COL21A1: variants seen among roughly 807,000 people sequenced by gnomAD.
COL21A1 encodes the protein collagen alpha-1(XXI) chain.
In COL21A1, 149 loss-of-function variants were observed where a neutral mutation model predicts 137.9. The observed-to-expected ratio is 1.08, with a 90% CI of 0.95 to 1.24. The LOEUF is 1.24. Ranked by LOEUF, COL21A1 falls within the 50% of genes most tolerant of loss-of-function variation. The pLI, the probability that COL21A1 is intolerant of heterozygous loss-of-function variation, is 0.00. For synonymous variants in COL21A1, 456 were observed against 391.5 expected (o/e 1.16, Z -1.95); for missense variants, 1,167 against 1,158.4 (o/e 1.01, Z -0.11).
At chr6:56,091,053 T>C (rs1768770020) in intron 17 of COL21A1, among the ~76,000 whole-genome samples, 1 of 152,110 alleles carries the variant, frequency 6.6e-6, no homozygotes, top group African/African-American at 2.4e-5. Flanking sequence ...ATAAAAAATA[T>C]AGTCAAGCAG....
At chr6:56,130,424 A>C (rs1398237227) in intron 12 of COL21A1, among the ~76,000 whole-genome samples, 1 of 151,802 alleles carries the variant, frequency 6.6e-6, no homozygotes, top group Non-Finnish European at 1.5e-5. Context: ...GAGCTAGACT[A>C]AGATATACTA....
At chr6:56,120,672 T>C (rs1384132465) in intron 16 of COL21A1, among the ~76,000 whole-genome samples, 2 of 152,016 alleles carry the variant, frequency 1.3e-5, no homozygotes, top group Non-Finnish European at 1.5e-5. Flanking sequence ...CAGTTGCCTG[T>C]AATCCCTGCT....
intron 1 of COL21A1, among the ~76,000 whole-genome samples, chr6:56,361,788 T>G (rs1038882870): frequency 2.0e-5 from 3 of 152,130 alleles, no homozygotes; most frequent in Non-Finnish European, 2.9e-5. Flanking sequence ...GGTGTGTGTG[T>G]GTGTGTTCTT....
intron 1 of COL21A1, among the ~76,000 whole-genome samples, chr6:56,189,809 A>C (rs1234946202): frequency 2.0e-5 from 3 of 152,234 alleles, no homozygotes; most frequent in Admixed American, 2.0e-4. Flanking sequence ...AGTGGGGGCC[A>C]ATATTCAACA....
intron 16 of COL21A1, among the ~76,000 whole-genome samples, chr6:56,104,175 A>G (rs1562201333): frequency 6.6e-6 from 1 of 152,156 alleles, no homozygotes; most frequent in Non-Finnish European, 1.5e-5. Flanking sequence ...CAATACTTAG[A>G]CTAGTGCCAA....
At chr6:56,137,836 T>C (rs1442181886) in intron 12 of COL21A1, among the ~76,000 whole-genome samples, 7 of 152,172 alleles carry the variant, frequency 4.6e-5, no homozygotes, top group Non-Finnish European at 1.5e-5. Context: ...AAATCCACTA[T>C]ATTATAGTTT....
At chr6:56,146,339 A>G (rs1228310554) in intron 10 of COL21A1, among the ~76,000 whole-genome samples, 1 of 152,144 alleles carries the variant, frequency 6.6e-6, no homozygotes, top group Non-Finnish European at 1.5e-5. Flanking sequence ...TTTAATGTCC[A>G]CTGTGGAATC....
intron 1 of COL21A1, among the ~76,000 whole-genome samples, chr6:56,239,022 C>A (rs1318289020): frequency 1.3e-5 from 2 of 152,148 alleles, no homozygotes; most frequent in Non-Finnish European, 2.9e-5. Context: ...AAAGGTCAAG[C>A]ACCATGCACA....
chr6:56,260,566 T>A (rs1430011723), intron 1 of COL21A1, among the ~76,000 whole-genome samples: 4 of 79,014 alleles, frequency 5.1e-5, no homozygotes, highest in Admixed American at 4.3e-4. Context: ...AGAACAAGAC[T>A]CTATCAAAAA....
chr6:56,060,626 A>C (rs1265931531), intron 27 of COL21A1, 115 bp downstream of exon 27: 2 of 715,830 alleles, frequency 2.8e-6, no homozygotes, highest in Non-Finnish European at 4.4e-6. Context: ...TGAGGCTTAT[A>C]AATGTTATCT....
chr6:56,126,391 C>A (rs1490202390), intron 12 of COL21A1: 3 of 400,234 alleles, frequency 7.5e-6, no homozygotes, highest in Middle Eastern at 7.2e-4. Flanking sequence ...CCTGACTCCA[C>A]CCTTAGTTAG....
At chr6:56,134,643 T>C (rs1376650333) in intron 12 of COL21A1, among the ~76,000 whole-genome samples, 1 of 152,208 alleles carries the variant, frequency 6.6e-6, no homozygotes, top group African/African-American at 2.4e-5. Flanking sequence ...AATTGTAACT[T>C]CCATAATTCC....
chr6:56,264,990 C>G (rs1000118222), intron 1 of COL21A1, among the ~76,000 whole-genome samples: 3 of 152,142 alleles, frequency 2.0e-5, no homozygotes, highest in Non-Finnish European at 4.4e-5. Flanking sequence ...GTGAAAAAGA[C>G]TATAAGAAAG....
chr6:56,325,190 G>A lies in COL21A1; in HGVS notation c.-39+68781C>T, dbSNP rs537128789. On this transcript the variant is annotated intron_variant, in intron 1 of 28. Coordinates refer to the COL21A1 transcript ENST00000370819. ...AAATTTGCATGCTTTTCTCTTGTTAGTCTGTCTTTTGTTATAGGAGCCTTG... is the reference window on the plus strand; with the variant it reads ...AAATTTGCATGCTTTTCTCTTGTTAATCTGTCTTTTGTTATAGGAGCCTTG... Among the ~76,000 whole-genome samples the A allele has an allele frequency of 1.9e-3, 263 of 137,504 alleles. 1 individual carries two copies. Among genetic ancestry groups the A allele is most frequent in the African/African-American group, 6.9e-3 (250 of 36,460 alleles). The allele number at this position is 137,504 out of a possible 152,430, so 90.2% of individuals were successfully genotyped here.
chr6:56,057,853 G>A lies in COL21A1; in HGVS notation c.2687-9C>T. 1 of 1,520,196 alleles carries A rather than the reference G, an allele frequency of 6.6e-7. No individual in the cohort carries two copies. The highest frequency in any genetic ancestry group is 1.3e-5 in the South Asian group (1 of 78,336). 94.2% of individuals were successfully genotyped at this position (1,520,196 alleles called of 1,614,324 possible). A position where few individuals can be genotyped will look rare whatever the true frequency, so the allele number is the denominator to read the frequency against. On this transcript the variant is annotated splice_polypyrimidine_tract_variant and intron_variant, in intron 29 of 29. Transcript: ENST00000244728. Reference sequence around the variant, plus strand: ...AGGAGGGCCCTCTGGACCTAAGATGGGACATTGGCAAGACGTAAACAGAGG... The same window carrying A: ...AGGAGGGCCCTCTGGACCTAAGATGAGACATTGGCAAGACGTAAACAGAGG...
chr6:56,388,056 A>G (rs1291064094), intron 1 of COL21A1, among the ~76,000 whole-genome samples: 2 of 152,150 alleles, frequency 1.3e-5, no homozygotes, highest in Non-Finnish European at 2.9e-5. Flanking sequence ...TTGTCTTGCA[A>G]CTTGGGTACC....
At chr6:56,321,645 G>A (rs9475671) in intron 1 of COL21A1, among the ~76,000 whole-genome samples, 53,838 of 151,964 alleles carry the variant, frequency 0.35, 10,301 homozygotes, top group Non-Finnish European at 0.44. Context: ...CAACACATTC[G>A]GCCCAGAAAC....
chr6:56,206,940 C>G (rs12333329), intron 1 of COL21A1, among the ~76,000 whole-genome samples: 2,063 of 151,894 alleles, frequency 0.014, 45 homozygotes, highest in African/African-American at 0.047. Flanking sequence ...TGAATGACTA[C>G]TGGGTAAATA....
intron 10 of COL21A1, among the ~76,000 whole-genome samples, chr6:56,148,351 AGAGAGAGAGAG>A (rs1252242492): frequency 1.0e-3 from 151 of 146,458 alleles, no homozygotes; most frequent in African/African-American, 3.9e-3. Flanking sequence ...AGAGAGAGAG[AGAGAGAGAGAG>A]AGAGAGAAAC....
Sources: allele counts gnomAD v4.1 joint callset (sites outside exome capture counted in the v4.1 genomes callset), GRCh38; gene constraint gnomAD v4.1.1; transcripts MANE v1.5; gene names NCBI Gene and HGNC (gene_info 2026-07-23, HGNC 2026-07-21).